The following NELL2 variants were observed in gnomAD, a reference collection of about 807,000 sequenced individuals.
NELL2 encodes the protein neural EGFL like 2, also known as protein kinase C-binding protein NELL2.
Under a neutral mutation model 109.6 loss-of-function variants are expected in NELL2, and 41 were observed. That is an observed-to-expected ratio of 0.37 (90% CI 0.29 to 0.49). The LOEUF (loss-of-function observed/expected upper bound fraction) is 0.49. Among genes scored for constraint, NELL2 ranks in the 20% least tolerant of loss-of-function variants. The probability of loss-of-function intolerance (pLI) is 0.98; values close to 1 mark genes in which losing one functional copy is unlikely to be tolerated. For missense variants in NELL2, 900 were observed against 1,008.3 expected, an observed-to-expected ratio of 0.89 and a Z score of 1.45; for synonymous variants, 355 against 344.7, an observed-to-expected ratio of 1.03 and a Z score of -0.33.
At chr12:44,898,598 A>G (rs1325605463) in intron 1 of NELL2, among the ~76,000 whole-genome samples, 1 of 152,166 alleles carries the variant, frequency 6.6e-6, no homozygotes, top group East Asian at 1.9e-4. Context: ...AACCCCATCC[A>G]AAGGTCACCA....
intron 9 of NELL2, among the ~76,000 whole-genome samples, chr12:44,759,936 T>C (rs942330193): frequency 1.3e-5 from 2 of 152,186 alleles, no homozygotes; most frequent in Admixed American, 6.5e-5. Flanking sequence ...TCTCTTTCAC[T>C]ACCTTTTAAA....
chr12:44,678,728 A>T (rs2136364537), intron 12 of NELL2, among the ~76,000 whole-genome samples: 1 of 152,246 alleles, frequency 6.6e-6, no homozygotes, highest in Admixed American at 6.6e-5. Flanking sequence ...CAAGGTAAAT[A>T]AGTGTTGGAA....
intron 9 of NELL2, among the ~76,000 whole-genome samples, chr12:44,754,654 T>G (rs1940803696): frequency 6.6e-6 from 1 of 152,144 alleles, no homozygotes; most frequent in Admixed American, 6.5e-5. Flanking sequence ...GGAAAAAAGA[T>G]AAAATGACTG....
At chr12:44,642,049 T>C (rs2136301536) in intron 13 of NELL2, among the ~76,000 whole-genome samples, 1 of 152,222 alleles carries the variant, frequency 6.6e-6, no homozygotes, top group Middle Eastern at 3.4e-3. Context: ...ATGGGGACAA[T>C]ATTTCCTTCC....
At chr12:44,588,269 T>C (rs2136221650) in intron 15 of NELL2, among the ~76,000 whole-genome samples, 1 of 152,244 alleles carries the variant, frequency 6.6e-6, no homozygotes, top group South Asian at 2.1e-4. Flanking sequence ...CATCTTGCAG[T>C]GACTGATAAG....
rs1941559955 is a variant in NELL2 at position 44,521,964 on chromosome 12, C to T, written c.2175+36G>A. The stretch of plus-strand genomic sequence containing the variant: ...TTGCTTCTCTATTTAGATTCTGGGC[C>T]TAAATTTTCTTTCCACTTCATGTAG... On this transcript the variant is annotated intron_variant, in intron 18 of 19. Transcript: ENST00000429094. 3 of 1,606,432 alleles carry T rather than the reference C, an allele frequency of 1.9e-6. No homozygotes were observed. The South Asian group carries it at 3.3e-5, about 18-fold the overall frequency.
intron 13 of NELL2, among the ~76,000 whole-genome samples, chr12:44,612,987 G>T (rs1945678029): frequency 6.6e-6 from 1 of 151,930 alleles, no homozygotes; most frequent in African/African-American, 2.4e-5. Context: ...TGAGAAAGTG[G>T]GCTCCTAGGC....
chr12:44,582,713 TC>T (rs1219392244), intron 15 of NELL2, among the ~76,000 whole-genome samples: 1 of 151,682 alleles, frequency 6.6e-6, no homozygotes, highest in Admixed American at 6.6e-5. Context: ...GGTGAGAAGG[TC>T]AAAGAACTGG....
chr12:44,711,476 A>T (rs1938199692), intron 10 of NELL2, 82 bp from the exon 11 acceptor site: 2 of 1,225,426 alleles, frequency 1.6e-6, no homozygotes, highest in Middle Eastern at 3.8e-4. Flanking sequence ...ATCTGAGAAG[A>T]CTCTTTTAAG....
intron 1 of NELL2, among the ~76,000 whole-genome samples, chr12:44,882,042 G>A (rs74341372): frequency 0.011 from 1,599 of 151,734 alleles, 31 homozygotes; most frequent in East Asian, 0.048. Flanking sequence ...TACCCTTCAG[G>A]AATAAATATG....
intron 16 of NELL2, among the ~76,000 whole-genome samples, chr12:44,524,743 G>A (rs974665641): frequency 1.5e-4 from 23 of 151,870 alleles, no homozygotes; most frequent in African/African-American, 5.1e-4. Flanking sequence ...ATCAATAGCC[G>A]AAAAAGTGAT....
upstream of NELL2, chr12:44,877,051 C>T (rs184407708): frequency 4.7e-5 from 12 of 254,756 alleles, no homozygotes; most frequent in East Asian, 1.2e-3. Context: ...GACCCGGACT[C>T]GGGCTCTCTG....
intron 15 of NELL2, among the ~76,000 whole-genome samples, chr12:44,555,681 C>T (rs1437526883): frequency 6.6e-6 from 1 of 152,078 alleles, no homozygotes; most frequent in African/African-American, 2.4e-5. Context: ...GACAGGAGGC[C>T]AAGAAAAGCA....
intron 11 of NELL2, among the ~76,000 whole-genome samples, chr12:44,705,056 T>C (rs1329557524): frequency 1.3e-5 from 2 of 150,468 alleles, no homozygotes; most frequent in East Asian, 1.9e-4. Context: ...GTATATTTCA[T>C]GTATCTTAGA....
chr12:44,903,076 C>T (rs927506258), intron 1 of NELL2, among the ~76,000 whole-genome samples: 2 of 152,056 alleles, frequency 1.3e-5, no homozygotes, highest in Non-Finnish European at 2.9e-5. Context: ...AGAGCTTCTG[C>T]ACAGCAAAAT....
At chr12:44,864,393 A>C (rs1021904059) in intron 2 of NELL2, among the ~76,000 whole-genome samples, 2 of 152,214 alleles carry the variant, frequency 1.3e-5, no homozygotes, top group African/African-American at 4.8e-5. Flanking sequence ...TTCCATGGAA[A>C]TGGAAAACAA....
intron 3 of NELL2, among the ~76,000 whole-genome samples, chr12:44,784,607 T>A (rs1439502951): frequency 6.6e-6 from 1 of 152,152 alleles, no homozygotes; most frequent in Non-Finnish European, 1.5e-5. Flanking sequence ...ATATCCCTGA[T>A]CAACATCCAT....
chr12:44,916,133 CA>C (rs1945826935), upstream of NELL2, among the ~76,000 whole-genome samples: 1 of 152,104 alleles, frequency 6.6e-6, no homozygotes, highest in Non-Finnish European at 1.5e-5. Context: ...TAACAAGTAA[CA>C]TGTATTAAAG....
At chr12:44,814,380 T>A (rs140938190) in intron 3 of NELL2, among the ~76,000 whole-genome samples, 140 of 152,306 alleles carry the variant, frequency 9.2e-4, no homozygotes, top group African/African-American at 3.2e-3. Flanking sequence ...AACAGGTTGT[T>A]CTGCAAATGA....
Sources: gnomAD v4.1 joint callset for allele counts (sites outside exome capture counted in the v4.1 genomes callset) on GRCh38, gnomAD v4.1.1 for gene constraint, MANE v1.5 for transcripts, NCBI Gene and HGNC (gene_info 2026-07-23, HGNC 2026-07-21) for gene names.